Variants in AGBL4 observed in about 807,000 individuals in gnomAD.
AGBL4 encodes AGBL carboxypeptidase 4, also known as cytosolic carboxypeptidase 6.
Under a neutral mutation model 66.4 loss-of-function variants are expected in AGBL4, and 58 were observed. The observed-to-expected ratio is 0.87, with a 90% CI of 0.71 to 1.09. The LOEUF (loss-of-function observed/expected upper bound fraction) is 1.09, where lower values mean the gene tolerates loss of function less well. Ranked by LOEUF, AGBL4 falls within the 50% of genes least tolerant of loss-of-function variation. The pLI, the probability that AGBL4 is intolerant of heterozygous loss-of-function variation, is 0.00. For missense variants in AGBL4, 579 were observed against 631.0 expected, an observed-to-expected ratio of 0.92 and a Z score of 0.88; for synonymous variants, 234 against 222.9, an observed-to-expected ratio of 1.05 and a Z score of -0.44.
chr1:49,945,662 A>G (rs1655139656), intron 1 of AGBL4, among the ~76,000 whole-genome samples: 1 of 152,124 alleles, frequency 6.6e-6, no homozygotes, highest in Non-Finnish European at 1.5e-5. Context: ...ATAATTTTAA[A>G]AAGTAAAGAG....
At chr1:49,053,007 T>C (rs1644247377) in intron 4 of AGBL4, among the ~76,000 whole-genome samples, 1 of 152,140 alleles carries the variant, frequency 6.6e-6, no homozygotes. Context: ...GCAAATAGTG[T>C]TTAGCTTATA....
chr1:48,903,465 T>TATC (rs1652287949), intron 5 of AGBL4, among the ~76,000 whole-genome samples: 1 of 152,282 alleles, frequency 6.6e-6, no homozygotes, highest in Non-Finnish European at 1.5e-5. Context: ...GGGATCTGCC[T>TATC]ATCCACTGAG....
intron 2 of AGBL4, among the ~76,000 whole-genome samples, chr1:49,789,960 T>G (rs925270414): frequency 6.6e-6 from 1 of 152,154 alleles, no homozygotes; most frequent in African/African-American, 2.4e-5. Context: ...CCAAACAGCA[T>G]GGTACTGGTA....
intron 6 of AGBL4, among the ~76,000 whole-genome samples, chr1:48,859,643 T>C (rs1426479460): frequency 6.6e-6 from 1 of 152,212 alleles, no homozygotes; most frequent in Non-Finnish European, 1.5e-5. Context: ...ACACAAAAGA[T>C]ACAAAGCATA....
At chr1:49,597,698 C>G (rs551914779) in intron 3 of AGBL4, among the ~76,000 whole-genome samples, 1 of 152,322 alleles carries the variant, frequency 6.6e-6, no homozygotes, top group South Asian at 2.1e-4. Flanking sequence ...CCTCAAGAAA[C>G]TCAAGAGGCA....
chr1:49,488,870 C>G (rs1463983054), intron 3 of AGBL4, among the ~76,000 whole-genome samples: 1 of 151,882 alleles, frequency 6.6e-6, no homozygotes, highest in African/African-American at 2.4e-5. Context: ...GGATCTCATT[C>G]TTTTTTATGG....
At chr1:48,585,878 C>T (rs375001837) in intron 11 of AGBL4, 17 of 152,296 alleles carry the variant, frequency 1.1e-4, no homozygotes, top group South Asian at 1.0e-3. Flanking sequence ...AGTCATGCCA[C>T]GTTCAGAAAA....
At chr1:49,427,636 G>C (rs1423873165) in intron 3 of AGBL4, among the ~76,000 whole-genome samples, 20 of 152,198 alleles carry the variant, frequency 1.3e-4, no homozygotes, top group Admixed American at 1.3e-3. Context: ...GTTGACTTCA[G>C]GAGTGAAGTC....
intron 1 of AGBL4, among the ~76,000 whole-genome samples, chr1:49,920,744 T>C (rs1395489583): frequency 2.0e-5 from 3 of 152,166 alleles, no homozygotes; most frequent in Admixed American, 6.5e-5. Context: ...TTACTGGGTA[T>C]ATACCCAAAG....
intron 3 of AGBL4, among the ~76,000 whole-genome samples, chr1:49,466,540 G>A (rs956535364): frequency 6.6e-6 from 1 of 151,788 alleles, no homozygotes; most frequent in South Asian, 2.1e-4. Context: ...TAATTAAAAT[G>A]CAATTGCCAT....
intron 3 of AGBL4, among the ~76,000 whole-genome samples, chr1:49,618,874 G>T (rs558939158): frequency 2.0e-5 from 3 of 152,182 alleles, no homozygotes; most frequent in Non-Finnish European, 4.4e-5. Flanking sequence ...AAAAATACAT[G>T]ATTATCTCAA....
intron 1 of AGBL4, among the ~76,000 whole-genome samples, chr1:49,930,903 C>G (rs973305553): frequency 6.6e-6 from 1 of 151,996 alleles, no homozygotes; most frequent in Non-Finnish European, 1.5e-5. Flanking sequence ...AAATTTGAGC[C>G]AGGTAAATGA....
intron 4 of AGBL4, among the ~76,000 whole-genome samples, chr1:49,150,680 T>C (rs1020634764): frequency 2.0e-5 from 3 of 152,212 alleles, no homozygotes; most frequent in African/African-American, 7.2e-5. Context: ...ACTACTTACT[T>C]TCATTTGGCT....
At chr1:49,860,435 C>T (rs781690688) in intron 1 of AGBL4, among the ~76,000 whole-genome samples, 5 of 152,218 alleles carry the variant, frequency 3.3e-5, no homozygotes, top group African/African-American at 4.8e-5. Context: ...CAGTGGCTCA[C>T]GCCTGTAGAC....
chr1:49,789,496 C>G (rs535104431), intron 2 of AGBL4, among the ~76,000 whole-genome samples: 33 of 152,232 alleles, frequency 2.2e-4, no homozygotes, highest in African/African-American at 7.9e-4. Context: ...TCTCAAGATA[C>G]AAAATTGATG....
chr1:49,844,635 A>G (rs1646089586), intron 2 of AGBL4: 3 of 1,510,858 alleles, frequency 2.0e-6, no homozygotes, highest in East Asian at 4.5e-5. Context: ...CTCACCACAA[A>G]CTCTTTTGCC....
At chr1:49,525,679 G>T (rs144344149) in intron 3 of AGBL4, among the ~76,000 whole-genome samples, 56 of 152,174 alleles carry the variant, frequency 3.7e-4, no homozygotes, top group African/African-American at 1.3e-3. Context: ...CACCAGGGAA[G>T]AGGCCAGACG....
chr1:49,556,462 C>A (rs547862301), intron 3 of AGBL4, among the ~76,000 whole-genome samples: 1 of 151,624 alleles, frequency 6.6e-6, no homozygotes, highest in South Asian at 2.1e-4. Flanking sequence ...ACATATGTAA[C>A]AAACCTGCAC....
chr1:49,555,359 T>C (rs891325847), intron 3 of AGBL4, among the ~76,000 whole-genome samples: 7 of 151,176 alleles, frequency 4.6e-5, no homozygotes, highest in Non-Finnish European at 8.8e-5. Context: ...AGAGTGCTGA[T>C]TGGTGCATTT....
Sources: gnomAD v4.1 joint callset for allele counts (sites outside exome capture counted in the v4.1 genomes callset) on GRCh38, gnomAD v4.1.1 for gene constraint, MANE v1.5 for transcripts, NCBI Gene and HGNC (gene_info 2026-07-23, HGNC 2026-07-21) for gene names.